The following SH3BP2 variants were observed in gnomAD, a reference collection of about 807,000 sequenced individuals.
SH3BP2 encodes the protein SH3 domain-binding protein 2.
A neutral mutation model predicts 56.2 loss-of-function variants in SH3BP2; 38 were observed. The observed-to-expected ratio is 0.68, with a 90% CI of 0.52 to 0.89. SH3BP2 has a LOEUF of 0.89. SH3BP2 is among the 40% of genes least tolerant of loss of function. The pLI is 0.00. For synonymous variants in SH3BP2, 346 were observed against 316.7 expected, an observed-to-expected ratio of 1.09 and a Z score of -0.98; for missense variants, 748 against 762.6, an observed-to-expected ratio of 0.98 and a Z score of 0.23.
At chr4:2,828,277 C>T (rs1577365595) in intron 7 of SH3BP2, among the ~76,000 whole-genome samples, 1 of 152,044 alleles carries the variant, frequency 6.6e-6, no homozygotes, top group South Asian at 2.1e-4. Flanking sequence ...GATCCTTGAT[C>T]CTTCCATTTT....
chr4:2,824,227 C>T (rs1161621641), intron 3 of SH3BP2, among the ~76,000 whole-genome samples: 2 of 152,218 alleles, frequency 1.3e-5, no homozygotes, highest in Admixed American at 1.3e-4. Flanking sequence ...GCACTCAGGG[C>T]TGCTGCTGGG....
chr4:2,802,685 G>A (rs1414054048), intron 1 of SH3BP2, among the ~76,000 whole-genome samples: 2 of 151,096 alleles, frequency 1.3e-5, no homozygotes, highest in Non-Finnish European at 2.9e-5. Flanking sequence ...ATATATATAT[G>A]TATATATGTA....
At position 2,829,703 on chromosome 4, in the gene SH3BP2, C is replaced by A. The variant is rs1441573560; in HGVS notation, c.797C>A (p.Pro266His). Residue 266 changes from proline to histidine, a missense_variant, in exon 8 of 13, where the codon CCT (proline) becomes CAT (histidine). Physicochemically the swap from Pro to His is moderately conservative, Grantham distance 77. Around this residue, in one of 3 missense-constraint regions of SH3BP2, gnomAD observed 635 missense variants for 615.0 expected, o/e 1.03. Coordinates refer to ENST00000503393, the MANE Select transcript of SH3BP2 (RefSeq NM_001122681.2). The surrounding 1 kb of genome is among the most constrained non-coding windows in gnomAD (Gnocchi z 4.9). ...CCACTGTGCCCGAGGCGGGCTGAGCCTTGCCCCAGGGTACCTGCTACCCCC... is the reference window on the plus strand; with the variant it reads ...CCACTGTGCCCGAGGCGGGCTGAGCATTGCCCCAGGGTACCTGCTACCCCC... ...RDPLCPRRAE[P>H]CPRVPATPRR... 1 of 1,612,900 alleles carries A rather than the reference C, an allele frequency of 6.2e-7. No homozygotes were observed. Among genetic ancestry groups the A allele is most frequent in the African/African-American group, 1.3e-5 (1 of 74,884 alleles).
intron 1 of SH3BP2, chr4:2,798,993 G>T: frequency 1.0e-6 from 1 of 985,622 alleles, no homozygotes; most frequent in Non-Finnish European, 1.2e-6. Context: ...GGAGCTGCAC[G>T]CAGCACGGGG....
chr4:2,830,790 C>T (rs1013330045), intron 8 of SH3BP2, among the ~76,000 whole-genome samples: 4 of 152,358 alleles, frequency 2.6e-5, no homozygotes, highest in Admixed American at 6.5e-5. Context: ...CCTTGCCTGG[C>T]AGGCAAAGGG....
chr4:2,827,661 C>G lies in SH3BP2; in HGVS notation c.573C>G (p.Pro191=), dbSNP rs755387801. The change falls in exon 7 of 13, where the codon CCC becomes CCG. Residue 191 remains proline, a synonymous_variant. Coordinates refer to ENST00000503393, the MANE Select transcript of SH3BP2 (RefSeq NM_001122681.2). ...ACCTGGAGCCTGACTCCCCGGAGCC[C>G]GGAAGGCTTGAGGGTAGGTGGGGCG... ...DSYLEPDSPE[P]GRLEDALMHP... The G allele has an allele frequency of 6.7e-6, 9 of 1,344,274 alleles. No individual in the cohort carries two copies. Among genetic ancestry groups the G allele is most frequent in the Non-Finnish European group, 9.1e-6 (9 of 984,494 alleles). 83.3% of individuals were successfully genotyped at this position (1,344,274 alleles called of 1,614,324 possible).
intron 1 of SH3BP2, chr4:2,794,398 A>G (rs1044409531): frequency 1.3e-5 from 2 of 151,836 alleles, no homozygotes; most frequent in Non-Finnish European, 2.9e-5. Flanking sequence ...CTCTACGTAG[A>G]CACCGTCGAA....
chr4:2,799,357 C>T (rs1560094260), intron 1 of SH3BP2: 4 of 943,868 alleles, frequency 4.2e-6, no homozygotes, highest in Non-Finnish European at 3.8e-6. Context: ...GTGGCCACCT[C>T]TGAGCCCTGA....
At chr4:2,827,433 G>T (rs1724730664) in intron 6 of SH3BP2, 115 bp downstream of exon 6, 2 of 1,203,780 alleles carry the variant, frequency 1.7e-6, no homozygotes, top group South Asian at 1.2e-5. Context: ...TGGCCCTTTG[G>T]CAGTGCGCAG....
At chr4:2,824,774 G>A in intron 4 of SH3BP2, 44 bp downstream of exon 4, 1 of 1,425,012 alleles carries the variant, frequency 7.0e-7, no homozygotes, top group East Asian at 2.3e-5. Context: ...CTGGGGGTGT[G>A]GGCCTGCAGG....
At chr4:2,817,414 C>T (rs376365471) in intron 1 of SH3BP2, among the ~76,000 whole-genome samples, 3 of 152,146 alleles carry the variant, frequency 2.0e-5, no homozygotes, top group Admixed American at 6.5e-5. Flanking sequence ...GACAGAGCCT[C>T]GAAGGCTGGG....
At position 2,834,495 on chromosome 4, in the gene SH3BP2, G is replaced by C. The variant is rs539393728; in HGVS notation, c.*661G>C. On this transcript the variant is annotated 3_prime_UTR_variant, in exon 13 of 13. Transcript: ENST00000503393. ...CAAACTTGGGCAGTCTGGGCTGGGAGCCCACACCCCACTCACCAGTTCTGC... is the reference window on the plus strand; with the variant it reads ...CAAACTTGGGCAGTCTGGGCTGGGACCCCACACCCCACTCACCAGTTCTGC... 1 of 152,786 alleles carries C rather than the reference G, an allele frequency of 6.5e-6. No homozygotes were observed. The highest frequency in any genetic ancestry group is 1.5e-5 in the Non-Finnish European group (1 of 68,410). The allele number at this position is 152,786 out of a possible 1,614,324, so 9.5% of individuals were successfully genotyped here. A position where few individuals can be genotyped will look rare whatever the true frequency, so the allele number is the denominator to read the frequency against.
chr4:2,832,273 G>T (rs766814442), intron 10 of SH3BP2, 58 bp from the exon 11 acceptor site: 70 of 1,413,588 alleles, frequency 5.0e-5, no homozygotes, highest in Non-Finnish European at 7.0e-5. Context: ...GGGCGGGAAG[G>T]TCCGTGTGAA....
At chr4:2,796,948 G>A (rs1723085471) in intron 1 of SH3BP2, among the ~76,000 whole-genome samples, 2 of 152,338 alleles carry the variant, frequency 1.3e-5, no homozygotes, top group East Asian at 1.9e-4. Flanking sequence ...TTCGTCTGAG[G>A]GCTTCAGCGT....
Position 2,831,150 on chromosome 4 carries a change from C to T in SH3BP2, c.1242-421C>T, listed in dbSNP as rs956256038. Among the ~76,000 whole-genome samples the T allele has an allele frequency of 6.6e-6, 1 of 152,250 alleles. No homozygotes were observed. Among genetic ancestry groups the T allele is most frequent in the South Asian group, 2.1e-4 (1 of 4,838 alleles). On this transcript the variant is annotated intron_variant, in intron 8 of 12. Coordinates refer to ENST00000503393, the MANE Select transcript of SH3BP2 (RefSeq NM_001122681.2). The surrounding 1 kb of genome is among the most constrained non-coding windows in gnomAD (Gnocchi z 4.1). ...AGGACCGGCTAGCCACACAGGGAGG[C>T]GTGCAGGGACGCCATGGGCGTCCTT... is the stretch of plus-strand genomic sequence containing the variant.
At position 2,831,010 on chromosome 4, in the gene SH3BP2, G is replaced by T. The variant is rs1268503501; in HGVS notation, c.1242-561G>T. Among the ~76,000 whole-genome samples the T allele has an allele frequency of 6.6e-6, 1 of 152,236 alleles. No individual in the cohort carries two copies. The highest frequency in any genetic ancestry group is 2.4e-5 in the African/African-American group (1 of 41,464). ...AGAGATGCAGATGTTCGGAAGTCAC[G>T]TTTTTCCATGACTGTGGGGATAGCG... On this transcript the variant is annotated intron_variant, in intron 8 of 12. Coordinates refer to ENST00000503393, the MANE Select transcript of SH3BP2 (RefSeq NM_001122681.2). The surrounding 1 kb of genome is among the most constrained non-coding windows in gnomAD (Gnocchi z 4.1).
intron 1 of SH3BP2, chr4:2,812,571 C>A: frequency 6.9e-7 from 1 of 1,449,520 alleles, no homozygotes; most frequent in Non-Finnish European, 9.3e-7. Context: ...GAGCCACAGC[C>A]TTCCTCGGGG....
intron 2 of SH3BP2, 83 bp from the exon 3 acceptor site, chr4:2,822,852 A>T: frequency 9.7e-7 from 1 of 1,027,036 alleles, no homozygotes; most frequent in South Asian, 1.3e-5. Flanking sequence ...CCTGGCCCCA[A>T]GTTGTCCTGT....
intron 2 of SH3BP2, 71 bp from the exon 3 acceptor site, chr4:2,822,864 G>C: frequency 8.5e-7 from 1 of 1,176,962 alleles, no homozygotes; most frequent in South Asian, 1.3e-5. Context: ...TTGTCCTGTG[G>C]AGGGTCCTCA....
Sources: gnomAD v4.1 joint callset for allele counts (sites outside exome capture counted in the v4.1 genomes callset) on GRCh38, gnomAD v4.1.1 for gene constraint, gnomAD v4.1.1 regional missense constraint, Gnocchi (gnomAD v3.1) non-coding constraint, MANE v1.5 for transcripts, NCBI Gene and HGNC (gene_info 2026-07-23, HGNC 2026-07-21) for gene names.